Variants in TRAF3IP2 observed in about 807,000 individuals in gnomAD.
TRAF3IP2 encodes E3 ubiquitin ligase TRAF3IP2.
Under a neutral mutation model 57.9 loss-of-function variants are expected in TRAF3IP2, and 35 were observed. The observed-to-expected ratio is 0.60, with a 90% CI of 0.46 to 0.80. The LOEUF is 0.80. Ranked by LOEUF, TRAF3IP2 falls within the 30% of genes least tolerant of loss-of-function variation. TRAF3IP2 has a pLI of 0.00. For missense variants in TRAF3IP2, 556 were observed against 706.4 expected (o/e 0.79, Z 2.41); for synonymous variants, 251 against 268.9 (o/e 0.93, Z 0.65).
rs762172306 is a variant in TRAF3IP2 at position 111,566,582 on chromosome 6, G to T, written c.1360-22C>A. 3.1e-6 allele frequency: 5 copies of T among 1,597,094 alleles called. No homozygotes were observed. The African/African-American group carries it at 5.4e-5, about 17-fold the overall frequency. On this transcript the variant is annotated intron_variant, in intron 6 of 8. Coordinates refer to ENST00000368761, the MANE Select transcript of TRAF3IP2 (RefSeq NM_147686.4). ...TCTTCTGTTAATGAGAGGGAGAAAGGCATGTTTATGGAAGTGTACCAGCAG... is the reference window on the plus strand; with the variant it reads ...TCTTCTGTTAATGAGAGGGAGAAAGTCATGTTTATGGAAGTGTACCAGCAG...
At position 111,559,048 on chromosome 6, in the gene TRAF3IP2, T is replaced by C. The variant is rs746297105; in HGVS notation, c.*357A>G. ...TAGCCTGAAGTGATTGATAGGAGAG[T>C]GTTTGTAGTCATTTCCATTTGCTGC... On this transcript the variant is annotated 3_prime_UTR_variant, in exon 9 of 9. Transcript: ENST00000368761. 1 of 198,138 alleles carries C rather than the reference T, an allele frequency of 5.0e-6. No homozygotes were observed. Among genetic ancestry groups the C allele is most frequent in the Non-Finnish European group, 1.0e-5 (1 of 97,778 alleles). The allele number at this position is 198,138 out of a possible 1,614,324, so 12.3% of individuals were successfully genotyped here.
At chr6:111,560,602 GATGAAAGCAAA>G (rs1795399263) in intron 8 of TRAF3IP2, among the ~76,000 whole-genome samples, 1 of 152,220 alleles carries the variant, frequency 6.6e-6, no homozygotes, top group South Asian at 2.1e-4. Flanking sequence ...CAAATCTTAG[GATGAAAGCAAA>G]ATGTCAACAA....
At chr6:111,593,054 A>G (rs1796569459) in intron 1 of TRAF3IP2, among the ~76,000 whole-genome samples, 1 of 152,252 alleles carries the variant, frequency 6.6e-6, no homozygotes. Flanking sequence ...GTCTCCTCTC[A>G]TCATTAAACT....
At chr6:111,571,960 TAAA>T (rs1475407114) in intron 5 of TRAF3IP2, among the ~76,000 whole-genome samples, 3 of 150,950 alleles carry the variant, frequency 2.0e-5, no homozygotes, top group Non-Finnish European at 4.4e-5. Context: ...AAGCTTCAAA[TAAA>T]AACTCCTGTT....
intron 1 of TRAF3IP2, among the ~76,000 whole-genome samples, chr6:111,595,062 T>C (rs1422108046): frequency 6.6e-6 from 1 of 152,036 alleles, no homozygotes; most frequent in Non-Finnish European, 1.5e-5. Context: ...TGAAACCCTG[T>C]CTCTACTAAA....
In TRAF3IP2 at chr6:111,556,035, G is replaced by A. The variant is rs915817391; in HGVS notation, c.*3370C>T. 6.6e-6 allele frequency among the ~76,000 whole-genome samples: 1 copy of A among 151,928 alleles called. No individual in the cohort carries two copies. Among genetic ancestry groups the A allele is most frequent in the Non-Finnish European group, 1.5e-5 (1 of 68,016 alleles). ...GGAGAATCGCTTGAACCCGGGAGGT[G>A]GAGGTTGCAGTGAGCTGTGATTGCA... On this transcript the variant is annotated 3_prime_UTR_variant, in exon 9 of 9. Transcript: ENST00000368761.
At chr6:111,588,524 G>A (rs1321977994) in intron 2 of TRAF3IP2, among the ~76,000 whole-genome samples, 2 of 152,306 alleles carry the variant, frequency 1.3e-5, no homozygotes, top group East Asian at 1.9e-4. Context: ...AGTATTTTCC[G>A]TGGGAAGTAT....
In TRAF3IP2 at chr6:111,591,309, G is replaced by A. The variant is rs1796503065; in HGVS notation, c.778C>T (p.Pro260Ser). The change falls in exon 2 of 9, where the codon CCA (proline) becomes TCA (serine). Residue 260 changes from proline (P) to serine (S), a missense_variant. Pro to Ser is a moderately conservative substitution (Grantham distance 74). Transcript: ENST00000368761. The surrounding 1 kb of genome is among the most constrained non-coding windows in gnomAD (Gnocchi z 4.9). ...GGACAATGGTAATGATAGTTCCATG[G>A]AGCATGTGGGGAAAGATTGGGAGGC... is the stretch of plus-strand genomic sequence containing the variant. Reference protein sequence around the residue: ...MLPPNLSPHAPWNYHYHCPGS... With the variant: ...MLPPNLSPHASWNYHYHCPGS... 6.6e-7 allele frequency: 1 copy of A among 1,515,968 alleles called. No individual in the cohort carries two copies. Among genetic ancestry groups the A allele is most frequent in the Non-Finnish European group, 8.8e-7 (1 of 1,133,726 alleles). 93.9% of individuals were successfully genotyped at this position (1,515,968 alleles called of 1,614,324 possible).
chr6:111,587,716 G>A (rs1796383074), intron 2 of TRAF3IP2, among the ~76,000 whole-genome samples: 1 of 151,864 alleles, frequency 6.6e-6, no homozygotes, highest in African/African-American at 2.4e-5. Flanking sequence ...AATAAACATG[G>A]ATGGGATCAT....
rs1201232122 is a variant in TRAF3IP2 at position 111,556,818 on chromosome 6, C to A, written c.*2587G>T. The A allele has an allele frequency of 5.3e-5, 8 of 152,206 alleles. No homozygotes were observed. The highest frequency in any genetic ancestry group is 1.7e-4 in the African/African-American group (7 of 41,510). 9.4% of individuals were successfully genotyped at this position (152,206 alleles called of 1,614,324 possible). ...ATAGTTGACAAGTATTTGTCCTTTC[C>A]CTGTGCTACATATAAGAGCTGGACT... On this transcript the variant is annotated 3_prime_UTR_variant, in exon 9 of 9. Transcript: ENST00000368761.
chr6:111,578,509 C>T (rs1381204651), intron 3 of TRAF3IP2, among the ~76,000 whole-genome samples: 4 of 152,092 alleles, frequency 2.6e-5, no homozygotes, highest in Non-Finnish European at 5.9e-5. Flanking sequence ...GGTGTGGTAG[C>T]GGGCGTCTGT....
chr6:111,592,947 C>T (rs528971212), intron 1 of TRAF3IP2, among the ~76,000 whole-genome samples: 1 of 152,274 alleles, frequency 6.6e-6, no homozygotes, highest in Admixed American at 6.5e-5. Context: ...TAAACTAGAC[C>T]TTAGCCTGCA....
intron 7 of TRAF3IP2, among the ~76,000 whole-genome samples, chr6:111,563,368 C>A (rs1437491121): frequency 6.6e-6 from 1 of 152,142 alleles, no homozygotes; most frequent in Non-Finnish European, 1.5e-5. Context: ...TGACTTCACA[C>A]TGATAGCTTG....
chr6:111,601,245 T>C, intron 1 of TRAF3IP2: 1 of 760,872 alleles, frequency 1.3e-6, no homozygotes, highest in Non-Finnish European at 2.5e-6. Flanking sequence ...CTGTACAGCA[T>C]CACCAGGCTG....
chr6:111,579,827 C>T (rs1796102280), intron 3 of TRAF3IP2, among the ~76,000 whole-genome samples: 1 of 152,172 alleles, frequency 6.6e-6, no homozygotes, highest in Non-Finnish European at 1.5e-5. Flanking sequence ...GGAACAGACA[C>T]TAGACATATA....
At position 111,591,576 on chromosome 6, in the gene TRAF3IP2, A is replaced by T; in HGVS notation, c.511T>A (p.Leu171Met). The T allele has an allele frequency of 1.2e-6, 2 of 1,614,240 alleles. No homozygotes were observed. The highest frequency in any genetic ancestry group is 1.7e-6 in the Non-Finnish European group (2 of 1,180,042). Residue 171 changes from leucine to methionine, a missense_variant, in exon 2 of 9, where the codon TTG becomes ATG. Around this residue, in one of 2 missense-constraint regions of TRAF3IP2, gnomAD observed 428 missense variants for 498.7 expected, o/e 0.86. Transcript: ENST00000368761. This position sits in a 1 kb window ranked among gnomAD's most constrained non-coding sequence, Gnocchi z 4.9. ...TGCACCATCTCCTGGCTACCGCCCA[A>T]GGAGTCTGCTGAGGCATTAGGTAAA... ...QSLPNASADS[L>M]GGSQEMVQRP...
At chr6:111,592,692 T>G (rs1453706659) in intron 1 of TRAF3IP2, among the ~76,000 whole-genome samples, 2 of 152,342 alleles carry the variant, frequency 1.3e-5, no homozygotes, top group East Asian at 3.9e-4. Flanking sequence ...GGAGGAAGTT[T>G]TCACCTTTTA....
intron 4 of TRAF3IP2, 85 bp downstream of exon 4, chr6:111,575,558 A>T (rs1795953165): frequency 6.1e-6 from 9 of 1,481,476 alleles, no homozygotes; most frequent in East Asian, 4.6e-5. Context: ...ACTGCACTCC[A>T]GCCTGGGCAA....
At chr6:111,601,153 C>G (rs373416434) in intron 1 of TRAF3IP2, 2 of 769,114 alleles carry the variant, frequency 2.6e-6, no homozygotes, top group African/African-American at 3.4e-5. Flanking sequence ...AGCCACATAA[C>G]CCCTAGGAGA....
Sources: gnomAD v4.1 joint callset for allele counts (sites outside exome capture counted in the v4.1 genomes callset) on GRCh38, gnomAD v4.1.1 for gene constraint, gnomAD v4.1.1 regional missense constraint, Gnocchi (gnomAD v3.1) non-coding constraint, MANE v1.5 for transcripts, NCBI Gene and HGNC (gene_info 2026-07-23, HGNC 2026-07-21) for gene names.